Variants in GREB1L observed in about 807,000 individuals in gnomAD.
GREB1L encodes the protein GREB1 like retinoic acid receptor coactivator.
In GREB1L, 17 loss-of-function variants were observed where a neutral mutation model predicts 200.8. The ratio of observed to expected loss-of-function variants is 0.08; its 90% confidence interval spans 0.06 to 0.13. The LOEUF (loss-of-function observed/expected upper bound fraction) is 0.13. GREB1L is among the 10% of genes least tolerant of loss of function. GREB1L has a pLI of 1.00. For missense variants in GREB1L, 1,657 were observed against 2,367.7 expected, an observed-to-expected ratio of 0.70 and a Z score of 6.23; for synonymous variants, 789 against 893.0, an observed-to-expected ratio of 0.88 and a Z score of 2.08.
At chr18:21,247,559 C>A (rs1257524760) in intron 1 of GREB1L, among the ~76,000 whole-genome samples, 3 of 152,114 alleles carry the variant, frequency 2.0e-5, no homozygotes, top group Non-Finnish European at 2.9e-5. Context: ...TAGGAGGAGA[C>A]CTGCTTGTTA....
chr18:21,494,448 A>G (rs761269438), intron 19 of GREB1L, among the ~76,000 whole-genome samples: 6 of 152,150 alleles, frequency 3.9e-5, no homozygotes, highest in African/African-American at 7.2e-5. Context: ...CAAATCACCA[A>G]TCAAACCCTA....
At chr18:21,358,601 C>T (rs2039539478) in intron 1 of GREB1L, among the ~76,000 whole-genome samples, 2 of 152,210 alleles carry the variant, frequency 1.3e-5, no homozygotes, top group Admixed American at 1.3e-4. Context: ...AGGCATGAGC[C>T]ACCGCGCCCA....
At chr18:21,390,047 C>A (rs1201107536) in intron 4 of GREB1L, among the ~76,000 whole-genome samples, 2 of 152,110 alleles carry the variant, frequency 1.3e-5, no homozygotes, top group Non-Finnish European at 2.9e-5. Context: ...TGACATTGGT[C>A]CTGTAGGTTC....
intron 27 of GREB1L, among the ~76,000 whole-genome samples, chr18:21,510,483 C>G (rs953503686): frequency 2.0e-5 from 3 of 152,162 alleles, no homozygotes; most frequent in African/African-American, 4.8e-5. Flanking sequence ...TTAGCATGTC[C>G]TCAAGGTTCA....
chr18:21,352,138 G>A (rs1341180017), intron 1 of GREB1L, among the ~76,000 whole-genome samples: 2 of 151,958 alleles, frequency 1.3e-5, no homozygotes, highest in Non-Finnish European at 2.9e-5. Context: ...GAGCCACCAC[G>A]CCCAGCCATG....
chr18:21,452,798 C>T (rs1357187619), intron 14 of GREB1L, among the ~76,000 whole-genome samples: 1 of 152,080 alleles, frequency 6.6e-6, no homozygotes, highest in Admixed American at 6.6e-5. Flanking sequence ...CACTGATTGA[C>T]AGGAATGACA....
In GREB1L at chr18:21,401,191, C is replaced by T. The variant is rs2041302091; in HGVS notation, c.574C>T (p.Arg192Ter). The T allele has an allele frequency of 6.4e-7, 1 of 1,551,520 alleles. No homozygotes were observed. The highest frequency in any genetic ancestry group is 8.7e-7 in the Non-Finnish European group (1 of 1,146,944). The change falls in exon 6 of 33, where the codon CGA (arginine) becomes TGA (stop). Residue 192 changes from arginine (R) to a stop codon, truncating the protein, a stop_gained. Coordinates refer to ENST00000424526, the MANE Select transcript of GREB1L (RefSeq NM_001142966.3). LOFTEE classifies it high-confidence loss of function. ...TATCGGCTGTGGAGAAAGAGGATTT[C>T]GATATTTCACGGAATTTTCCAACCA... ...NCIGCGERGF[R>*]YFTEFSNHIN...
At chr18:21,467,598 A>G (rs1015409461) in intron 15 of GREB1L, among the ~76,000 whole-genome samples, 2 of 152,216 alleles carry the variant, frequency 1.3e-5, no homozygotes, top group Admixed American at 6.5e-5. Flanking sequence ...GAATTGTTGA[A>G]TATGTGGAGA....
intron 7 of GREB1L, among the ~76,000 whole-genome samples, chr18:21,423,296 G>A (rs768809698): frequency 4.1e-4 from 63 of 152,086 alleles, no homozygotes; most frequent in Admixed American, 6.6e-4. Context: ...TTTAAAAGCT[G>A]TTTGCATTTT....
intron 1 of GREB1L, among the ~76,000 whole-genome samples, chr18:21,307,656 T>G (rs1442433350): frequency 6.6e-6 from 1 of 152,054 alleles, no homozygotes; most frequent in Non-Finnish European, 1.5e-5. Flanking sequence ...CTACCCTAAG[T>G]CTCCCTACCC....
intron 1 of GREB1L, among the ~76,000 whole-genome samples, chr18:21,363,286 C>CA (rs71178169): frequency 1.6e-5 from 1 of 64,498 alleles, no homozygotes; most frequent in Admixed American, 1.6e-4. Context: ...GCCTCCCCCC[C>CA]GCCCCCCCCC....
At chr18:21,244,632 G>A (rs1235526573) in intron 1 of GREB1L, among the ~76,000 whole-genome samples, 1 of 152,150 alleles carries the variant, frequency 6.6e-6, no homozygotes, top group East Asian at 1.9e-4. Context: ...TAGACAGTGG[G>A]GCGACAAAAA....
chr18:21,507,987 C>A, intron 25 of GREB1L, 131 bp from the exon 26 acceptor site: 1 of 833,032 alleles, frequency 1.2e-6, no homozygotes, highest in African/African-American at 1.7e-5. Context: ...TGGCTGCTCA[C>A]AGCCTGCTCT....
chr18:21,359,698 TA>T (rs1421637604), intron 1 of GREB1L, among the ~76,000 whole-genome samples: 2 of 152,246 alleles, frequency 1.3e-5, no homozygotes, highest in East Asian at 3.8e-4. Flanking sequence ...CTTTGAGGTC[TA>T]AATAGCACTT....
In GREB1L at chr18:21,338,853, T is replaced by A. The variant is rs185034963; in HGVS notation, c.-119-27174T>A. Among the ~76,000 whole-genome samples the A allele has an allele frequency of 1.8e-4, 27 of 152,340 alleles. No homozygotes were observed. In the East Asian group the frequency reaches 2.1e-3, roughly 12 times the overall value. On this transcript the variant is annotated intron_variant, in intron 1 of 32. Transcript: ENST00000424526. ...AGGTTATAAAGGAGAGTGAGGATCA[T>A]GTCCGTGGATCAAAAATTATCAGTC...
chr18:21,406,903 C>T (rs1171310555), intron 7 of GREB1L, among the ~76,000 whole-genome samples: 5 of 130,756 alleles, frequency 3.8e-5, no homozygotes, highest in Non-Finnish European at 7.7e-5. Context: ...GATACGGAGT[C>T]TCACTGTGAC....
At position 21,265,485 on chromosome 18, in the gene GREB1L, C is replaced by A. The variant is rs115590339; in HGVS notation, c.-120+23092C>A. Reference sequence around the variant, plus strand: ...ACGGTGATGGGCATATTTATTGAAACCATTTTTTTTTATATTTGTTTTTAC... The same window carrying A: ...ACGGTGATGGGCATATTTATTGAAAACATTTTTTTTTATATTTGTTTTTAC... On this transcript the variant is annotated intron_variant, in intron 1 of 32. Coordinates refer to ENST00000424526, the MANE Select transcript of GREB1L (RefSeq NM_001142966.3). Among the ~76,000 whole-genome samples, 488 of 152,026 alleles carry A rather than the reference C, an allele frequency of 3.2e-3. 3 individuals carry two copies. The highest frequency in any genetic ancestry group is 0.011 in the African/African-American group (465 of 41,456).
chr18:21,406,069 A>AAG (rs2030186630), intron 7 of GREB1L, among the ~76,000 whole-genome samples: 1 of 151,820 alleles, frequency 6.6e-6, no homozygotes, highest in Admixed American at 6.6e-5. Flanking sequence ...AAAAAAAAAA[A>AAG]AAAAAAGAAC....
chr18:21,342,568 C>T (rs552836506), intron 1 of GREB1L, among the ~76,000 whole-genome samples: 1 of 152,252 alleles, frequency 6.6e-6, no homozygotes, highest in Admixed American at 6.5e-5. Context: ...GGAATGCTGC[C>T]TTTTGTTTAC....
Sources: allele counts gnomAD v4.1 joint callset (sites outside exome capture counted in the v4.1 genomes callset), GRCh38; gene constraint gnomAD v4.1.1; transcripts MANE v1.5; gene names NCBI Gene and HGNC (gene_info 2026-07-23, HGNC 2026-07-21).